AKR1B15: variants seen among roughly 807,000 people sequenced by gnomAD.
The protein encoded by AKR1B15 is estradiol 17-beta-dehydrogenase AKR1B15.
Under a neutral mutation model 38.5 loss-of-function variants are expected in AKR1B15, and 49 were observed. The ratio of observed to expected loss-of-function variants is 1.27; its 90% CI spans 1.01 to 1.62. The LOEUF (loss-of-function observed/expected upper bound fraction) is 1.62, where lower values mean the gene tolerates loss of function less well. Ranked by LOEUF, AKR1B15 falls within the 40% of genes most tolerant of loss-of-function variation. The pLI is 0.00. For synonymous variants in AKR1B15, 137 were observed against 135.5 expected (o/e 1.01, Z -0.08); for missense variants, 411 against 381.6 (o/e 1.08, Z -0.64).
At chr7:134,549,726 C>A (rs141383277) in intron 1 of AKR1B15, among the ~76,000 whole-genome samples, 1 of 152,130 alleles carries the variant, frequency 6.6e-6, no homozygotes, top group East Asian at 1.9e-4. Context: ...GATCCCATCA[C>A]GGGACCCCCT....
intron 2 of AKR1B15, among the ~76,000 whole-genome samples, chr7:134,560,938 C>CCTCAT (rs1302238769): frequency 6.6e-6 from 1 of 152,190 alleles, no homozygotes; most frequent in Non-Finnish European, 1.5e-5. Flanking sequence ...ATTAGATAAT[C>CCTCAT]CTCATTTTTT....
chr7:134,551,259 G>A (rs2117588256), intron 1 of AKR1B15, among the ~76,000 whole-genome samples: 1 of 152,292 alleles, frequency 6.6e-6, no homozygotes, highest in South Asian at 2.1e-4. Context: ...CTCAGCCGGA[G>A]GAGGTGGCCC....
intron 1 of AKR1B15, among the ~76,000 whole-genome samples, chr7:134,553,168 GACAGGT>G (rs376865433): frequency 1.4e-4 from 22 of 152,258 alleles, no homozygotes; most frequent in African/African-American, 4.6e-4. Flanking sequence ...ACCACTAAGA[GACAGGT>G]ACATGAATTC....
chr7:134,579,618 A>G lies in AKR1B15; in HGVS notation c.*69A>G. 7.1e-7 allele frequency: 1 copy of G among 1,403,386 alleles called. No individual in the cohort carries two copies. 86.9% of individuals were successfully genotyped at this position (1,403,386 alleles called of 1,614,324 possible). A position where few individuals can be genotyped will look rare whatever the true frequency, so the allele number is the denominator to read the frequency against. ...CGCTGAAGTGTGACTGTCTCCACTC[A>G]AGAACTATTTTAGCCAAGCTTATCT... On this transcript the variant is annotated 3_prime_UTR_variant, in exon 12 of 12. Coordinates refer to ENST00000457545, the MANE Select transcript of AKR1B15 (RefSeq NM_001080538.3).
intron 1 of AKR1B15, among the ~76,000 whole-genome samples, chr7:134,549,920 C>T (rs1398838661): frequency 6.6e-6 from 1 of 152,150 alleles, no homozygotes; most frequent in Non-Finnish European, 1.5e-5. Flanking sequence ...CCTCATTAGT[C>T]GGTTGGGCTG....
At chr7:134,573,420 G>T in intron 6 of AKR1B15, 1 of 985,398 alleles carries the variant, frequency 1.0e-6, no homozygotes, top group Middle Eastern at 5.2e-4. Flanking sequence ...GCTTCTCACA[G>T]TGCTATGTTT....
chr7:134,576,413 A>C lies in AKR1B15; in HGVS notation c.808A>C (p.Lys270Gln), dbSNP rs781082208. 2.5e-6 allele frequency: 4 copies of C among 1,614,028 alleles called. No homozygotes were observed. The highest frequency in any genetic ancestry group is 3.4e-6 in the Non-Finnish European group (4 of 1,179,916). The change falls in exon 9 of 12, where the codon AAA becomes CAA. Residue 270 changes from lysine (K) to glutamine (Q), a missense_variant. Coordinates refer to ENST00000457545, the MANE Select transcript of AKR1B15 (RefSeq NM_001080538.3). ...GATTAAGGAGATTGCTGCAAAGCACAAAAAAACCACAGCCCAGGTACCATA... is the reference window on the plus strand; with the variant it reads ...GATTAAGGAGATTGCTGCAAAGCACCAAAAAACCACAGCCCAGGTACCATA... ...PKIKEIAAKH[K>Q]KTTAQVLIRF...
At chr7:134,558,636 T>C (rs1016491036) in intron 2 of AKR1B15, among the ~76,000 whole-genome samples, 6 of 152,168 alleles carry the variant, frequency 3.9e-5, no homozygotes, top group Non-Finnish European at 8.8e-5. Context: ...ATGGACTAAA[T>C]ATACTCCTAT....
At chr7:134,568,865 G>GAA (rs35715276) in intron 4 of AKR1B15, among the ~76,000 whole-genome samples, 2,749 of 148,482 alleles carry the variant, frequency 0.019, 81 homozygotes, top group African/African-American at 0.057. Flanking sequence ...GCAAGTTGCT[G>GAA]AAAAAAAAAA....
intron 1 of AKR1B15, among the ~76,000 whole-genome samples, chr7:134,550,798 G>C (rs1006124183): frequency 6.6e-6 from 1 of 152,074 alleles, no homozygotes; most frequent in South Asian, 2.1e-4. Context: ...AGATGATTAC[G>C]GGGTCCGCCT....
rs754708354 is a variant in AKR1B15, at chr7:134,571,682, G to A, written c.513+1G>A. On this transcript the variant is annotated splice_donor_variant, in intron 6 of 11. Transcript: ENST00000457545. LOFTEE classifies it high-confidence loss of function. Reference sequence around the variant, plus strand: ...AGGAACGTTCTTGGATGCCTGGGAGGTAGGTTCCAGCTTTGTCTAAGTGTG... The same window carrying A: ...AGGAACGTTCTTGGATGCCTGGGAGATAGGTTCCAGCTTTGTCTAAGTGTG... 3 of 1,612,526 alleles carry A rather than the reference G, an allele frequency of 1.9e-6. No individual in the cohort carries two copies. Among genetic ancestry groups the A allele is most frequent in the Non-Finnish European group, 2.5e-6 (3 of 1,178,868 alleles).
rs59127003 is a variant in AKR1B15 at position 134,579,594 on chromosome 7, G to A, written c.*45G>A. ...ATTACACAGGGGATTCTCTTTCTTC[G>A]CTGAAGTGTGACTGTCTCCACTCAA... On this transcript the variant is annotated 3_prime_UTR_variant, in exon 12 of 12. Transcript: ENST00000457545. 0.024 allele frequency: 36,254 copies of A among 1,507,312 alleles called. 1,213 individuals are homozygous for A. The highest frequency in any genetic ancestry group is 0.15 in the East Asian group (6,754 of 43,624). 93.4% of individuals were successfully genotyped at this position (1,507,312 alleles called of 1,614,324 possible). A position where few individuals can be genotyped will look rare whatever the true frequency, so the allele number is the denominator to read the frequency against.
intron 6 of AKR1B15, among the ~76,000 whole-genome samples, chr7:134,573,724 A>T (rs1467893478): frequency 6.6e-6 from 1 of 152,198 alleles, no homozygotes; most frequent in Admixed American, 6.5e-5. Flanking sequence ...TGGGAAACTT[A>T]TGATTTCATA....
At chr7:134,573,028 C>T (rs561165734) in intron 6 of AKR1B15, among the ~76,000 whole-genome samples, 1 of 152,258 alleles carries the variant, frequency 6.6e-6, no homozygotes, top group East Asian at 1.9e-4. Context: ...CATTAATCCA[C>T]AAGCACAGCA....
chr7:134,568,466 T>A, intron 4 of AKR1B15, 141 bp downstream of exon 4: 1 of 1,267,802 alleles, frequency 7.9e-7, no homozygotes, highest in Non-Finnish European at 1.1e-6. Context: ...GTGGATACAA[T>A]ACTATCCATA....
chr7:134,565,657 T>C, intron 3 of AKR1B15: 1 of 1,519,544 alleles, frequency 6.6e-7, no homozygotes, highest in Admixed American at 2.1e-5. Flanking sequence ...TTTGGAGAGG[T>C]GAATTTCAGT....
intron 10 of AKR1B15, 140 bp downstream of exon 10, chr7:134,577,186 G>C (rs999262940): frequency 5.5e-6 from 5 of 911,902 alleles, no homozygotes; most frequent in Non-Finnish European, 8.5e-6. Context: ...CCAGCCCAGG[G>C]AGCTAGGCTC....
chr7:134,560,386 G>C (rs1794349171), intron 2 of AKR1B15, among the ~76,000 whole-genome samples: 1 of 152,148 alleles, frequency 6.6e-6, no homozygotes, highest in Non-Finnish European at 1.5e-5. Flanking sequence ...ACAGAGGTGA[G>C]GAAACCCAGC....
At chr7:134,576,117 G>A (rs112708008) in intron 8 of AKR1B15, among the ~76,000 whole-genome samples, 190 bp downstream of exon 8, 192 of 152,014 alleles carry the variant, frequency 1.3e-3, no homozygotes, top group African/African-American at 4.4e-3. Flanking sequence ...CAACAAGGGC[G>A]ACATGCTTGA....
Sources: gnomAD v4.1 joint callset for allele counts (sites outside exome capture counted in the v4.1 genomes callset) on GRCh38, gnomAD v4.1.1 for gene constraint, MANE v1.5 for transcripts, NCBI Gene and HGNC (gene_info 2026-07-23, HGNC 2026-07-21) for gene names.